The following TMEM50B variants were observed in gnomAD, a reference collection of about 807,000 sequenced individuals.
TMEM50B encodes the protein transmembrane protein 50B.
A neutral mutation model predicts 23.4 loss-of-function variants in TMEM50B; 14 were observed. The ratio of observed to expected loss-of-function variants is 0.60; its 90% CI spans 0.39 to 0.93. The LOEUF (loss-of-function observed/expected upper bound fraction) is 0.93, where lower values mean the gene tolerates loss of function less well. Ranked by LOEUF, TMEM50B falls within the 40% of genes least tolerant of loss-of-function variation. The probability of loss-of-function intolerance (pLI) is 0.00; values close to 1 mark genes in which losing one functional copy is unlikely to be tolerated. For synonymous variants in TMEM50B, 64 were observed against 62.3 expected (o/e 1.03, Z -0.13); for missense variants, 159 against 193.0 (o/e 0.82, Z 1.04).
At position 33,450,627 on chromosome 21, in the gene TMEM50B, A is replaced by G; in HGVS notation, c.*191T>C. 1 of 515,428 alleles carries G rather than the reference A, an allele frequency of 1.9e-6. No individual in the cohort carries two copies. The highest frequency in any genetic ancestry group is 3.7e-5 in the South Asian group (1 of 26,902). The allele number at this position is 515,428 out of a possible 1,614,324, so 31.9% of individuals were successfully genotyped here. On this transcript the variant is annotated 3_prime_UTR_variant, in exon 7 of 7. Transcript: ENST00000542230. Reference sequence around the variant, plus strand: ...CAATTCATATAGTCTTGTATTATATACATATTAACAGTCTATGCAATGAAA... The same window carrying G: ...CAATTCATATAGTCTTGTATTATATGCATATTAACAGTCTATGCAATGAAA...
downstream of TMEM50B, among the ~76,000 whole-genome samples, chr21:33,445,630 A>T (rs1332583523): frequency 1.3e-5 from 2 of 152,184 alleles, no homozygotes; most frequent in Admixed American, 6.5e-5. Flanking sequence ...CCCCATCTCT[A>T]CTAAAAATAC....
intron 6 of TMEM50B, 34 bp downstream of exon 6, chr21:33,455,693 G>C (rs2084162300): frequency 1.9e-6 from 3 of 1,545,160 alleles, no homozygotes; most frequent in Non-Finnish European, 2.7e-6. Flanking sequence ...TTCTGTAAAT[G>C]TTACAGGCGT....
In TMEM50B at chr21:33,465,830, T is replaced by G. The variant is rs79817624; in HGVS notation, c.213-421A>C. On this transcript the variant is annotated intron_variant, in intron 3 of 6. Transcript: ENST00000542230. ...TTCTTAAGCTCAGAGAAAATGTAGC[T>G]TATGTATAATATGCCCACTTTATTC... Among the ~76,000 whole-genome samples the G allele has an allele frequency of 6.1e-3, 912 of 148,600 alleles. 5 individuals are homozygous for G. The highest frequency in any genetic ancestry group is 0.022 in the African/African-American group (869 of 39,552).
At chr21:33,448,262 G>A (rs370506439), downstream of TMEM50B, among the ~76,000 whole-genome samples, 11 of 151,786 alleles carry the variant, frequency 7.2e-5, no homozygotes, top group East Asian at 3.9e-4. Flanking sequence ...CAAAGTGCTG[G>A]GATTACAGGC....
At chr21:33,453,754 G>C (rs775539269) in intron 6 of TMEM50B, among the ~76,000 whole-genome samples, 50 of 152,096 alleles carry the variant, frequency 3.3e-4, no homozygotes, top group Non-Finnish European at 3.7e-4. Context: ...GATGGGGACA[G>C]AGGCAGATAA....
intron 5 of TMEM50B, chr21:33,456,154 GTTAA>G (rs1193006751): frequency 2.1e-6 from 1 of 474,720 alleles, no homozygotes; most frequent in African/African-American, 2.0e-5. Context: ...TAAACAGTCT[GTTAA>G]TTTATTTTCT....
chr21:33,460,400 A>AAT lies in TMEM50B; in HGVS notation c.373+11_373+12dup, dbSNP rs1403791176. 3.3e-6 allele frequency: 5 copies of AAT among 1,517,836 alleles called. No homozygotes were observed. The Admixed American group carries it at 6.8e-5, about 21-fold the overall frequency. 94.0% of individuals were successfully genotyped at this position (1,517,836 alleles called of 1,614,324 possible). On this transcript the variant is annotated intron_variant, in intron 5 of 6. Transcript: ENST00000542230. ...AATCTCTCCTATAAAATACAAGAAG[A>AAT]ATATATACTTACTTTGGGTAACATA...
chr21:33,446,613 C>A (rs2084057361), downstream of TMEM50B, among the ~76,000 whole-genome samples: 1 of 136,838 alleles, frequency 7.3e-6, no homozygotes, highest in Non-Finnish European at 1.5e-5. Flanking sequence ...ATAATTGACA[C>A]CCTCCTCCTA....
chr21:33,469,339 T>C (rs1418513686), intron 1 of TMEM50B, among the ~76,000 whole-genome samples: 1 of 152,092 alleles, frequency 6.6e-6, no homozygotes, highest in Non-Finnish European at 1.5e-5. Flanking sequence ...TAATCACAGC[T>C]ACTCGGGAGG....
chr21:33,451,342 C>T (rs750536009), intron 6 of TMEM50B, among the ~76,000 whole-genome samples: 8 of 152,174 alleles, frequency 5.3e-5, no homozygotes, highest in Non-Finnish European at 1.2e-4. Flanking sequence ...TACCAAGCAC[C>T]TAAGTGCTGG....
rs2084094368 is a variant in TMEM50B, at chr21:33,449,188, A to AT, written c.*1629dup. ...GCAACAGGTTATGAGGTGGAAACAA[A>AT]TAATTAGTCTTACAATTTGCTAGAA... On this transcript the variant is annotated 3_prime_UTR_variant, in exon 7 of 7. Coordinates refer to ENST00000542230, the MANE Select transcript of TMEM50B (RefSeq NM_006134.7). 1 of 152,228 alleles carries AT rather than the reference A, an allele frequency of 6.6e-6. No homozygotes were observed. The highest frequency in any genetic ancestry group is 2.4e-5 in the African/African-American group (1 of 41,460). The allele number at this position is 152,228 out of a possible 1,614,324, so 9.4% of individuals were successfully genotyped here. A position where few individuals can be genotyped will look rare whatever the true frequency, so the allele number is the denominator to read the frequency against.
rs1044213 is a variant in TMEM50B at position 33,449,384 on chromosome 21, G to C, written c.*1434C>G. 89,223 of 152,376 alleles carry C rather than the reference G, an allele frequency of 0.59. 28,198 individuals are homozygous for C. Among genetic ancestry groups the C allele is most frequent in the East Asian group, 0.83 (4,277 of 5,150 alleles). The allele number at this position is 152,376 out of a possible 1,614,324, so 9.4% of individuals were successfully genotyped here. The stretch of plus-strand genomic sequence containing the variant: ...TGATGCCAAATGGGCTTACATTAGA[G>C]CCGTGGACACTACCACTGGTATTAT... On this transcript the variant is annotated 3_prime_UTR_variant, in exon 7 of 7. Transcript: ENST00000542230.
At chr21:33,441,740 CTG>C (rs1335037026) in intron 7 of TMEM50B, among the ~76,000 whole-genome samples, 1 of 152,186 alleles carries the variant, frequency 6.6e-6, no homozygotes, top group African/African-American at 2.4e-5. Flanking sequence ...AGAAATTCTC[CTG>C]TCTCAGCCTC....
intron 8 of TMEM50B, among the ~76,000 whole-genome samples, chr21:33,434,668 C>T (rs769543327): frequency 7.2e-5 from 11 of 152,168 alleles, no homozygotes; most frequent in Non-Finnish European, 1.3e-4. Flanking sequence ...TCTGCAGAAA[C>T]ATAGCAGCAC....
chr21:33,453,030 C>A (rs912283591), intron 6 of TMEM50B, among the ~76,000 whole-genome samples: 1 of 152,312 alleles, frequency 6.6e-6, no homozygotes, highest in South Asian at 2.1e-4. Flanking sequence ...ATAGATTAGA[C>A]ATTGCAGAAG....
chr21:33,445,929 G>A (rs962066114), downstream of TMEM50B, among the ~76,000 whole-genome samples: 3 of 152,192 alleles, frequency 2.0e-5, no homozygotes, highest in Non-Finnish European at 4.4e-5. Flanking sequence ...ATAAATGGCA[G>A]TGCCAGAATA....
chr21:33,446,653 C>T (rs13048780), downstream of TMEM50B, among the ~76,000 whole-genome samples: 2 of 20,054 alleles, frequency 1.0e-4, no homozygotes, highest in African/African-American at 2.0e-4. Context: ...CACACACACA[C>T]ACAAAAAAAA....
At chr21:33,440,998 G>C (rs776950223) in intron 7 of TMEM50B, among the ~76,000 whole-genome samples, 4 of 152,120 alleles carry the variant, frequency 2.6e-5, no homozygotes, top group Non-Finnish European at 4.4e-5. Flanking sequence ...GGGAGGCTCA[G>C]GTGAGCGGAT....
chr21:33,464,823 A>AAAAAAAAAAAAAAAAC, intron 4 of TMEM50B, among the ~76,000 whole-genome samples: 1 of 148,714 alleles, frequency 6.7e-6, no homozygotes, highest in Non-Finnish European at 1.5e-5. Context: ...AAAAAAAAAA[A>AAAAAAAAAAAAAAAAC]ACAAAAATTG....
Sources: gnomAD v4.1 joint callset for allele counts (sites outside exome capture counted in the v4.1 genomes callset) on GRCh38, gnomAD v4.1.1 for gene constraint, MANE v1.5 for transcripts, NCBI Gene and HGNC (gene_info 2026-07-23, HGNC 2026-07-21) for gene names.